The following PLA2G4B variants were observed in gnomAD, a reference collection of about 807,000 sequenced individuals.
PLA2G4B encodes phospholipase A2 group IVB, also known as cytosolic phospholipase A2 beta.
PLA2G4B carries 122 observed loss-of-function variants against 95.8 expected under a neutral mutation model. The ratio of observed to expected loss-of-function variants is 1.27; its 90% CI spans 1.10 to 1.48. The LOEUF is 1.48. Among genes scored for constraint, PLA2G4B ranks in the 40% most tolerant of loss-of-function variants. The probability of loss-of-function intolerance (pLI) is 0.00; values close to 1 mark genes in which losing one functional copy is unlikely to be tolerated. For synonymous variants in PLA2G4B, 518 were observed against 421.5 expected (o/e 1.23, Z -2.80); for missense variants, 1,158 against 996.2 (o/e 1.16, Z -2.19).
intron 11 of PLA2G4B, 21 bp downstream of exon 11, chr15:41,843,832 G>T: frequency 6.2e-7 from 1 of 1,611,908 alleles, no homozygotes. Context: ...TGGGCTGGAT[G>T]GGGTGTCCCC....
intron 1 of PLA2G4B, chr15:41,839,654 G>A (rs1347214158): frequency 7.0e-5 from 11 of 156,448 alleles, no homozygotes; most frequent in Non-Finnish European, 4.2e-5. Context: ...CCCCTCCCTC[G>A]ATAGCTTATG....
Position 41,845,131 on chromosome 15 carries a change from T to C in PLA2G4B, c.1239+61T>C. The C allele has an allele frequency of 6.2e-6, 10 of 1,608,952 alleles. No homozygotes were observed. In the South Asian group the frequency reaches 9.9e-5, roughly 16 times the overall value. On this transcript the variant is annotated intron_variant, in intron 13 of 19. Coordinates refer to ENST00000458483, the MANE Select transcript of PLA2G4B (RefSeq NM_001114633.2). ...AAGGGCTGGAGCTGGGGCTCGGTGC[T>C]GGACAGCAGGGTGGGAAAGGCCCTG...
Position 41,846,054 on chromosome 15 carries a change from G to A in PLA2G4B, c.1600+7G>A, listed in dbSNP as rs1331954194. 1 of 1,567,614 alleles carries A rather than the reference G, an allele frequency of 6.4e-7. No homozygotes were observed. Among genetic ancestry groups the A allele is most frequent in the East Asian group, 2.3e-5 (1 of 44,408 alleles). On this transcript the variant is annotated splice_region_variant and intron_variant, in intron 16 of 19. Transcript: ENST00000458483. ...AGGAACCAGGCCAACCTGGGTAAGT[G>A]CTCCGGGCCCTTCATAAGGGTGCCA...
rs1595417667 is a variant in PLA2G4B at position 41,840,024 on chromosome 15, G to A, written c.10-134G>A. On this transcript the variant is annotated intron_variant, in intron 1 of 19. Transcript: ENST00000458483. Reference sequence around the variant, plus strand: ...TATCATGTCTCCTCTTGTTGATTCAGGATTCTGATGAGATGGAGGATGGGC... The same window carrying A: ...TATCATGTCTCCTCTTGTTGATTCAAGATTCTGATGAGATGGAGGATGGGC... The A allele has an allele frequency of 2.8e-5, 27 of 974,306 alleles. 1 individual carries two copies. Among genetic ancestry groups the A allele is most frequent in the Non-Finnish European group, 3.8e-5 (26 of 675,824 alleles). 60.4% of individuals were successfully genotyped at this position (974,306 alleles called of 1,614,324 possible). A position where few individuals can be genotyped will look rare whatever the true frequency, so the allele number is the denominator to read the frequency against.
chr15:41,846,932 T>C, intron 18 of PLA2G4B, 97 bp downstream of exon 18: 1 of 1,424,216 alleles, frequency 7.0e-7, no homozygotes, highest in Non-Finnish European at 9.4e-7. Flanking sequence ...CAGCTTCCTT[T>C]AGGAGCTGTG....
At chr15:41,840,689 C>G (rs753602468) in intron 3 of PLA2G4B, 29 bp downstream of exon 3, 3 of 1,607,520 alleles carry the variant, frequency 1.9e-6, no homozygotes, top group East Asian at 4.5e-5. Flanking sequence ...CTGACTCTAC[C>G]CACATCCTCG....
chr15:41,846,448 C>A lies in PLA2G4B; in HGVS notation c.1780+66C>A, dbSNP rs2065548235. 7 of 1,556,390 alleles carry A rather than the reference C, an allele frequency of 4.5e-6. 1 individual carries two copies. In the South Asian group the frequency reaches 4.8e-5, roughly 11 times the overall value. Reference sequence around the variant, plus strand: ...CCTTGAGTCCCCAGTCCAGATACCCCTCACAGTCCACTCCCATTCTCCTGC... The same window carrying A: ...CCTTGAGTCCCCAGTCCAGATACCCATCACAGTCCACTCCCATTCTCCTGC... On this transcript the variant is annotated intron_variant, in intron 17 of 19. Coordinates refer to ENST00000458483, the MANE Select transcript of PLA2G4B (RefSeq NM_001114633.2).
chr15:41,842,274 C>T lies in PLA2G4B; in HGVS notation c.703C>T (p.Gln235Ter). 2.5e-6 allele frequency: 4 copies of T among 1,613,996 alleles called. No homozygotes were observed. The highest frequency in any genetic ancestry group is 3.4e-6 in the Non-Finnish European group (4 of 1,180,012). The change falls in exon 9 of 20, where the codon CAG becomes TAG. Residue 235 changes from glutamine to a stop codon, truncating the protein, a stop_gained and splice_region_variant. Coordinates refer to ENST00000458483, the MANE Select transcript of PLA2G4B (RefSeq NM_001114633.2). LOFTEE classifies it high-confidence loss of function. ...GGTGAGGCTTGTCTTCCCCACGTCC[C>T]AGGTACTGGCCTCCCAGGGAAGGAA... is the stretch of plus-strand genomic sequence containing the variant. ...QVVRLVFPTS[Q>*]EPLMRVELKK...
chr15:41,845,432 C>A, intron 14 of PLA2G4B, 112 bp downstream of exon 14: 2 of 1,477,056 alleles, frequency 1.4e-6, no homozygotes, highest in East Asian at 4.6e-5. Context: ...AGCCAGGTCC[C>A]GTGCTTTCTG....
rs747895566 is a variant in PLA2G4B at position 41,840,520 on chromosome 15, G to A, written c.83-4G>A. The stretch of plus-strand genomic sequence containing the variant: ...CACCGCTGGGCACTTGTTCCTTCCC[G>A]CAGTGACCCCCTCTGACTGCTACGT... On this transcript the variant is annotated splice_region_variant and splice_polypyrimidine_tract_variant and intron_variant, in intron 2 of 19. Coordinates refer to ENST00000458483, the MANE Select transcript of PLA2G4B (RefSeq NM_001114633.2). 5.6e-6 allele frequency: 9 copies of A among 1,613,550 alleles called. No homozygotes were observed. The highest frequency in any genetic ancestry group is 3.3e-5 in the Admixed American group (2 of 60,008).
rs766222594 is a variant in PLA2G4B at position 41,840,640 on chromosome 15, A to G, written c.199A>G (p.Arg67Gly). ...SPVWNQSFHF[R>G]IHRQLKNVME... is the part of the protein sequence containing the mutation. ...TGTCTGGAACCAGAGCTTTCACTTC[A>G]GGATCCACAGGCAGCTCAAGGTGGG... is the stretch of plus-strand genomic sequence containing the variant. The change falls in exon 3 of 20, where the codon AGG becomes GGG. Residue 67 changes from arginine (R) to glycine (G), a missense_variant. Coordinates refer to ENST00000458483, the MANE Select transcript of PLA2G4B (RefSeq NM_001114633.2). 10 of 1,613,662 alleles carry G rather than the reference A, an allele frequency of 6.2e-6. No individual in the cohort carries two copies. Among genetic ancestry groups the G allele is most frequent in the Non-Finnish European group, 6.8e-6 (8 of 1,179,884 alleles).
chr15:41,842,821 G>A, intron 10 of PLA2G4B: 2 of 545,888 alleles, frequency 3.7e-6, no homozygotes, highest in Non-Finnish European at 6.0e-6. Context: ...CAGGCACCCG[G>A]GGAGCACTTG....
Position 41,844,522 on chromosome 15 carries a change from TC to T in PLA2G4B, c.934del (p.Leu312CysfsTer8), listed in dbSNP as rs2065496653. ...TGGTGGTGGGATCCGGGCAATGACT[TC>T]CCTGTATGGGCAGCTGGCTGGCCTG... ...ATGGGIRAMT[S>X]LYGQLAGLKE... On this transcript the variant is annotated frameshift_variant, in exon 12 of 20. Coordinates refer to ENST00000458483, the MANE Select transcript of PLA2G4B (RefSeq NM_001114633.2). LOFTEE classifies it high-confidence loss of function. 1 of 1,614,038 alleles carries T rather than the reference TC, an allele frequency of 6.2e-7. No individual in the cohort carries two copies. The highest frequency in any genetic ancestry group is 2.2e-5 in the East Asian group (1 of 44,890).
At position 41,845,025 on chromosome 15, in the gene PLA2G4B, CACCA is replaced by C; in HGVS notation, c.1198_1201del (p.Asn400CysfsTer26). ...CCCGCTTGGGCTACCCAAGCTGCTT[CACCA>C]ACCTGTGGGCCCTCATCAACGAGGC... On this transcript the variant is annotated frameshift_variant, in exon 13 of 20. Coordinates refer to ENST00000458483, the MANE Select transcript of PLA2G4B (RefSeq NM_001114633.2). LOFTEE classifies it high-confidence loss of function. 6.2e-7 allele frequency: 1 copy of C among 1,603,404 alleles called. No homozygotes were observed. Among genetic ancestry groups the C allele is most frequent in the East Asian group, 2.3e-5 (1 of 44,216 alleles).
At chr15:41,841,338 G>A in intron 6 of PLA2G4B, 65 bp downstream of exon 6, 1 of 1,611,358 alleles carries the variant, frequency 6.2e-7, no homozygotes, top group South Asian at 1.1e-5. Flanking sequence ...CCAGCGACTT[G>A]AGGTACAGGC....
chr15:41,843,617 C>A, intron 10 of PLA2G4B, 59 bp from the exon 11 acceptor site: 1 of 1,582,388 alleles, frequency 6.3e-7, no homozygotes, highest in Non-Finnish European at 8.6e-7. Flanking sequence ...GCAGACCCAG[C>A]TTTCCATTCT....
chr15:41,847,211 C>A, intron 18 of PLA2G4B, 126 bp from the exon 19 acceptor site: 1 of 1,414,876 alleles, frequency 7.1e-7, no homozygotes, highest in Non-Finnish European at 9.4e-7. Context: ...CAACGACTGG[C>A]TTCATAGGCC....
At position 41,846,657 on chromosome 15, in the gene PLA2G4B, C is replaced by G; in HGVS notation, c.1781-12C>G. On this transcript the variant is annotated splice_polypyrimidine_tract_variant and intron_variant, in intron 17 of 19. Coordinates refer to ENST00000458483, the MANE Select transcript of PLA2G4B (RefSeq NM_001114633.2). ...GTATCTGTGACAATTGCTGCTCTCC[C>G]CAACCTTCCAGCTACCACTCTGGAT... is the stretch of plus-strand genomic sequence containing the variant. 6.3e-7 allele frequency: 1 copy of G among 1,598,396 alleles called. No homozygotes were observed. The highest frequency in any genetic ancestry group is 8.6e-7 in the Non-Finnish European group (1 of 1,169,568).
Position 41,840,179 on chromosome 15 carries a change from C to T in PLA2G4B, c.31C>T (p.Leu11=), listed in dbSNP as rs2065398998. 1.2e-6 allele frequency: 2 copies of T among 1,613,220 alleles called. No homozygotes were observed. Among genetic ancestry groups the T allele is most frequent in the Admixed American group, 1.7e-5 (1 of 60,000 alleles). The change falls in exon 2 of 20, where the codon CTG becomes TTG. Residue 11 remains leucine, a synonymous_variant. Transcript: ENST00000458483. ...GCAGGCAGAGGTGTCCAGGACCTGC[C>T]TGCTCACGGTTCGTGTCCTGCAGGC... MAVAEVSRTC[L]LTVRVLQAHR...
Sources: allele counts gnomAD v4.1 joint callset, GRCh38; gene constraint gnomAD v4.1.1; transcripts MANE v1.5; gene names NCBI Gene and HGNC (gene_info 2026-07-23, HGNC 2026-07-21).